Variants in TXNDC9 observed in about 807,000 individuals in gnomAD.
TXNDC9 encodes the protein thioredoxin domain containing 9.
In TXNDC9, 7 loss-of-function variants were observed where a neutral mutation model predicts 23.0. The observed-to-expected ratio is 0.30, with a 90% CI of 0.17 to 0.57. The LOEUF is 0.57. Ranked by LOEUF, TXNDC9 falls within the 20% of genes least tolerant of loss-of-function variation. The probability of loss-of-function intolerance (pLI) is 0.90; values close to 1 mark genes in which losing one functional copy is unlikely to be tolerated. For synonymous variants in TXNDC9, 72 were observed against 90.6 expected, an observed-to-expected ratio of 0.79 and a Z score of 1.17; for missense variants, 198 against 252.6, an observed-to-expected ratio of 0.78 and a Z score of 1.47.
rs781441857 is a variant in TXNDC9 at position 99,322,128 on chromosome 2, T to C, written c.390A>G (p.Lys130=). 1 of 1,614,142 alleles carries C rather than the reference T, an allele frequency of 6.2e-7. No homozygotes were observed. Among genetic ancestry groups the C allele is most frequent in the Non-Finnish European group, 8.5e-7 (1 of 1,180,012 alleles). ...GCAGTCTCTCACAAAGGAAAGGTGC[T>C]TTTTCCACATTCAGCTTCAAAAATT... is the stretch of plus-strand genomic sequence containing the variant. ...ETKFLKLNVE[K]APFLCERLHI... is the part of the protein sequence containing the mutation. The change falls in exon 4 of 5, where the codon AAA becomes AAG. Residue 130 remains lysine (K), a synonymous_variant. Coordinates refer to ENST00000264255, the MANE Select transcript of TXNDC9 (RefSeq NM_005783.4).
downstream of TXNDC9, among the ~76,000 whole-genome samples, chr2:99,317,814 C>G (rs181437983): frequency 6.6e-6 from 1 of 152,024 alleles, no homozygotes; most frequent in Non-Finnish European, 1.5e-5. Flanking sequence ...GGGCACAAGT[C>G]GCCGCAGTTT....
intron 3 of TXNDC9, among the ~76,000 whole-genome samples, chr2:99,323,045 G>A (rs1167785588): frequency 2.6e-5 from 4 of 152,170 alleles, no homozygotes; most frequent in Non-Finnish European, 5.9e-5. Flanking sequence ...ACAAGCGTGA[G>A]CCACTGCACC....
rs143446328 is a variant in TXNDC9 at position 99,325,356 on chromosome 2, C to A, written c.308+2179G>T. Among the ~76,000 whole-genome samples the A allele has an allele frequency of 4.6e-5, 7 of 152,108 alleles. No individual in the cohort carries two copies. In the East Asian group the frequency reaches 9.7e-4, roughly 21 times the overall value. On this transcript the variant is annotated intron_variant, in intron 3 of 4. Coordinates refer to ENST00000264255, the MANE Select transcript of TXNDC9 (RefSeq NM_005783.4). ...TTTATCATTTAGTATCTGAGTGATA[C>A]TAGGTGAGTCAATTTCTCCAAATCT...
At chr2:99,318,173 G>C (rs1026215772), downstream of TXNDC9, among the ~76,000 whole-genome samples, 1 of 152,196 alleles carries the variant, frequency 6.6e-6, no homozygotes, top group Non-Finnish European at 1.5e-5. Context: ...TTACAGGTGT[G>C]AGCCACCGTG....
the TXNDC9 span, among the ~76,000 whole-genome samples, chr2:99,313,423 T>C: frequency 6.6e-6 from 1 of 152,148 alleles, no homozygotes; most frequent in East Asian, 1.9e-4. Context: ...TATATAGTGA[T>C]AGGGTTATAA....
At chr2:99,316,386 T>G (rs772116111), downstream of TXNDC9, among the ~76,000 whole-genome samples, 5 of 152,130 alleles carry the variant, frequency 3.3e-5, no homozygotes, top group Admixed American at 6.5e-5. Context: ...TTGCCCAGGC[T>G]GGTTTTGAAC....
chr2:99,333,044 C>T lies in TXNDC9; in HGVS notation c.167G>A (p.Arg56Lys), dbSNP rs1403241808. The T allele has an allele frequency of 1.1e-5, 18 of 1,613,946 alleles. No homozygotes were observed. The East Asian group carries it at 2.5e-4, about 22-fold the overall frequency. ...TACTTGTTTCTGCTGTTGAGCTTTC[C>T]TTAGTGCCTGGAGTCTCTTTTCTTT... ...RLKEKRLQAL[R>K]KAQQQKQEWL... Residue 56 changes from arginine to lysine, a missense_variant, in exon 2 of 5, where the codon AGG becomes AAG. Arg to Lys is a conservative substitution (Grantham distance 26, BLOSUM62 2). Transcript: ENST00000264255.
downstream of TXNDC9, among the ~76,000 whole-genome samples, chr2:99,318,165 A>G (rs993569083): frequency 4.6e-5 from 7 of 152,320 alleles, no homozygotes; most frequent in Admixed American, 2.6e-4. Context: ...TGCTGGGATT[A>G]CAGGTGTGAG....
At chr2:99,331,643 A>G (rs2094225823) in intron 2 of TXNDC9, among the ~76,000 whole-genome samples, 2 of 152,220 alleles carry the variant, frequency 1.3e-5, no homozygotes, top group African/African-American at 2.4e-5. Flanking sequence ...ACTCACTTAT[A>G]AAAGATTATT....
downstream of TXNDC9, among the ~76,000 whole-genome samples, chr2:99,316,888 G>C (rs1006244415): frequency 3.1e-4 from 47 of 152,038 alleles, no homozygotes; most frequent in East Asian, 2.3e-3. Flanking sequence ...TCCCCAGTAG[G>C]TGGGACTACA....
intron 2 of TXNDC9, among the ~76,000 whole-genome samples, chr2:99,331,377 C>A (rs2094224943): frequency 6.6e-6 from 1 of 151,812 alleles, no homozygotes; most frequent in South Asian, 2.1e-4. Flanking sequence ...GAATTTGAGA[C>A]CAGCCTGACC....
At chr2:99,315,316 T>C (rs1026659269), downstream of TXNDC9, among the ~76,000 whole-genome samples, 9 of 151,976 alleles carry the variant, frequency 5.9e-5, no homozygotes, top group East Asian at 1.2e-3. Context: ...CTGCCCGCCT[T>C]GGCCTCCCAA....
At chr2:99,310,226 C>T in the TXNDC9 span, among the ~76,000 whole-genome samples, 1 of 152,190 alleles carries the variant, frequency 6.6e-6, no homozygotes, top group Admixed American at 6.5e-5. Context: ...ATGGCAGTGC[C>T]AGGTACATGT....
chr2:99,331,798 C>T (rs554361316), intron 2 of TXNDC9, among the ~76,000 whole-genome samples: 1 of 152,220 alleles, frequency 6.6e-6, no homozygotes, highest in Non-Finnish European at 1.5e-5. Flanking sequence ...AGCACAATCT[C>T]GACTCACGGC....
the TXNDC9 span, among the ~76,000 whole-genome samples, chr2:99,311,428 C>T: frequency 1.3e-5 from 2 of 152,220 alleles, no homozygotes. Context: ...ACTAGAATTA[C>T]AAGTGCGTGC....
At chr2:99,321,421 T>C (rs1400844114) in intron 4 of TXNDC9, 2 of 152,294 alleles carry the variant, frequency 1.3e-5, no homozygotes, top group East Asian at 3.8e-4. Context: ...AAACTAAAAC[T>C]GTTCTTCATA....
downstream of TXNDC9, among the ~76,000 whole-genome samples, chr2:99,314,833 T>G (rs370394405): frequency 4.6e-5 from 7 of 152,006 alleles, no homozygotes; most frequent in African/African-American, 1.7e-4. Flanking sequence ...TTTGAGCATC[T>G]TTTCATGTAC....
At chr2:99,322,740 A>C (rs960998511) in intron 3 of TXNDC9, 4 of 1,393,606 alleles carry the variant, frequency 2.9e-6, no homozygotes, top group Non-Finnish European at 3.7e-6. Flanking sequence ...TAGGAAATTA[A>C]AAAATACCAG....
chr2:99,307,391 T>C, the TXNDC9 span: 15 of 148,700 alleles, frequency 1.0e-4, 1 homozygote, highest in African/African-American at 3.7e-4. Context: ...CAAAATAGGA[T>C]GAGATGAACA....
Sources: allele counts gnomAD v4.1 joint callset (sites outside exome capture counted in the v4.1 genomes callset), GRCh38; gene constraint gnomAD v4.1.1; transcripts MANE v1.5; gene names NCBI Gene and HGNC (gene_info 2026-07-23, HGNC 2026-07-21).